NRXN3: variants seen among roughly 807,000 people sequenced by gnomAD.
NRXN3 encodes the protein neurexin III.
NRXN3 carries 32 observed loss-of-function variants against 137.6 expected under a neutral mutation model. The observed-to-expected ratio is 0.23, with a 90% CI of 0.18 to 0.31. The LOEUF (loss-of-function observed/expected upper bound fraction) is 0.31, where lower values mean the gene tolerates loss of function less well. NRXN3 is among the 10% of genes least tolerant of loss of function. The pLI is 1.00. For synonymous variants in NRXN3, 798 were observed against 784.5 expected (o/e 1.02, Z -0.29); for missense variants, 1,574 against 2,062.5 (o/e 0.76, Z 4.59).
intron 8 of NRXN3, chr14:78,745,123 C>A (rs2098601205): frequency 6.6e-6 from 1 of 152,230 alleles, no homozygotes; most frequent in Non-Finnish European, 1.5e-5. Context: ...TGCACTTGTA[C>A]TTTTCCTTTT....
chr14:79,073,807 A>G (rs2099691515), intron 15 of NRXN3, among the ~76,000 whole-genome samples: 1 of 152,154 alleles, frequency 6.6e-6, no homozygotes, highest in Non-Finnish European at 1.5e-5. Flanking sequence ...ATACATAGTA[A>G]AGTATCAAGA....
chr14:78,418,255 T>C (rs1482859793), intron 4 of NRXN3, among the ~76,000 whole-genome samples: 1 of 152,218 alleles, frequency 6.6e-6, no homozygotes, highest in Non-Finnish European at 1.5e-5. Flanking sequence ...CAGAATCTGC[T>C]CCATTTCTGG....
At chr14:78,727,120 A>G (rs1201944519) in intron 8 of NRXN3, among the ~76,000 whole-genome samples, 2 of 152,220 alleles carry the variant, frequency 1.3e-5, no homozygotes, top group African/African-American at 4.8e-5. Context: ...CATTCTCAGG[A>G]TAAACATCAC....
intron 2 of NRXN3, among the ~76,000 whole-genome samples, chr14:78,254,607 G>C (rs572804319): frequency 1.3e-5 from 2 of 151,894 alleles, no homozygotes. Flanking sequence ...TGAACCCAGA[G>C]GTGGAGGTTG....
intron 4 of NRXN3, among the ~76,000 whole-genome samples, chr14:78,412,098 G>A (rs995982771): frequency 6.6e-6 from 1 of 152,216 alleles, no homozygotes; most frequent in African/African-American, 2.4e-5. Context: ...GTTCAGCACA[G>A]TGTAGTAAGA....
At chr14:78,784,014 T>C (rs2098779785) in intron 8 of NRXN3, among the ~76,000 whole-genome samples, 1 of 145,848 alleles carries the variant, frequency 6.9e-6, no homozygotes, top group Non-Finnish European at 1.5e-5. Flanking sequence ...AAAGAAAAGG[T>C]ATCTGCATTC....
intron 17 of NRXN3, among the ~76,000 whole-genome samples, chr14:79,680,530 T>A (rs768424826): frequency 2.0e-5 from 3 of 152,036 alleles, no homozygotes; most frequent in Non-Finnish European, 4.4e-5. Flanking sequence ...TGTGTGTTAG[T>A]AGGGAATGTG....
At chr14:78,381,480 A>G (rs1249759681) in intron 4 of NRXN3, among the ~76,000 whole-genome samples, 1 of 152,194 alleles carries the variant, frequency 6.6e-6, no homozygotes, top group East Asian at 1.9e-4. Context: ...TGCTGGTGAT[A>G]TGTGAAATGG....
chr14:78,713,024 A>G (rs1464815365), intron 7 of NRXN3, among the ~76,000 whole-genome samples: 1 of 152,242 alleles, frequency 6.6e-6, no homozygotes, highest in Non-Finnish European at 1.5e-5. Context: ...AATAAAGCAC[A>G]TCAAGAATAA....
At position 79,562,220 on chromosome 14, in the gene NRXN3, A is replaced by T. The variant is rs565691610; in HGVS notation, c.3444+94818A>T. On this transcript the variant is annotated intron_variant, in intron 16 of 20. Coordinates refer to ENST00000335750, the MANE Select transcript of NRXN3 (RefSeq NM_001330195.2). ...TCAGAGTTGGACATAAAACCCAGGTATCCTTATTCTCATTCTACTATTCTA... is the reference window on the plus strand; with the variant it reads ...TCAGAGTTGGACATAAAACCCAGGTTTCCTTATTCTCATTCTACTATTCTA... 5.9e-5 allele frequency among the ~76,000 whole-genome samples: 9 copies of T among 152,304 alleles called. No homozygotes were observed. In the South Asian group the frequency reaches 6.2e-4, roughly 11 times the overall value.
intron 20 of NRXN3, among the ~76,000 whole-genome samples, chr14:79,837,478 GGAT>G (rs2099346483): frequency 6.6e-6 from 1 of 152,070 alleles, no homozygotes; most frequent in Non-Finnish European, 1.5e-5. Flanking sequence ...CTTGTTAGTA[GGAT>G]GTATAACCTG....
At chr14:78,858,961 G>T (rs2099064917) in intron 10 of NRXN3, among the ~76,000 whole-genome samples, 1 of 152,094 alleles carries the variant, frequency 6.6e-6, no homozygotes, top group Non-Finnish European at 1.5e-5. Context: ...AATCTGATAT[G>T]GTTTGGCTGT....
intron 15 of NRXN3, among the ~76,000 whole-genome samples, chr14:79,214,340 A>AC (rs1302194195): frequency 6.6e-6 from 1 of 152,228 alleles, no homozygotes; most frequent in Non-Finnish European, 1.5e-5. Flanking sequence ...AGGAAGTCAA[A>AC]TTGCCTTTTT....
intron 15 of NRXN3, among the ~76,000 whole-genome samples, chr14:79,365,738 A>AT (rs1369583691): frequency 1.4e-5 from 2 of 144,440 alleles, no homozygotes; most frequent in African/African-American, 5.0e-5. Flanking sequence ...AAAAAAAAAA[A>AT]AAAAAAGAAA....
rs113681241 is a variant in NRXN3, at chr14:79,599,564, G to A, written c.3445-64214G>A. Among the ~76,000 whole-genome samples, 121 of 152,278 alleles carry A rather than the reference G, an allele frequency of 7.9e-4. No homozygotes were observed. In the Middle Eastern group the frequency reaches 0.017, roughly 21 times the overall value. ...TGTATGCAAGACTGAGTTGATCCCA[G>A]TCTCAATTTACCTGATACCATCTAT... On this transcript the variant is annotated intron_variant, in intron 16 of 20. Transcript: ENST00000335750.
At chr14:79,472,126 G>A (rs765060763) in intron 16 of NRXN3, among the ~76,000 whole-genome samples, 1 of 152,142 alleles carries the variant, frequency 6.6e-6, no homozygotes, top group Non-Finnish European at 1.5e-5. Context: ...CTTTGCTAAA[G>A]ATGATGGCCT....
intron 15 of NRXN3, among the ~76,000 whole-genome samples, chr14:79,258,332 G>T (rs918726219): frequency 7.2e-5 from 11 of 152,042 alleles, no homozygotes; most frequent in African/African-American, 2.4e-4. Flanking sequence ...AGCCTCCCAA[G>T]CACCTGGGAT....
At chr14:79,073,528 T>G (rs2099691124) in intron 15 of NRXN3, among the ~76,000 whole-genome samples, 1 of 152,210 alleles carries the variant, frequency 6.6e-6, no homozygotes, top group African/African-American at 2.4e-5. Context: ...GAGTCCTAGT[T>G]AATCTATGTG....
chr14:79,373,150 G>T (rs1240192209), intron 15 of NRXN3, among the ~76,000 whole-genome samples: 1 of 152,038 alleles, frequency 6.6e-6, no homozygotes, highest in Non-Finnish European at 1.5e-5. Context: ...CTCATACAGA[G>T]AAATACCTAC....
Sources: gnomAD v4.1 joint callset for allele counts (sites outside exome capture counted in the v4.1 genomes callset) on GRCh38, gnomAD v4.1.1 for gene constraint, MANE v1.5 for transcripts, NCBI Gene and HGNC (gene_info 2026-07-23, HGNC 2026-07-21) for gene names.